The following SEMA5A variants were observed in gnomAD, a reference collection of about 807,000 sequenced individuals.
SEMA5A encodes the protein semaphorin 5A, also known as semaphorin-5A.
Under a neutral mutation model 135.5 loss-of-function variants are expected in SEMA5A, and 55 were observed. That is an observed-to-expected ratio of 0.41 (90% CI 0.33 to 0.51). SEMA5A has a LOEUF of 0.51. Among genes scored for constraint, SEMA5A ranks in the 20% least tolerant of loss-of-function variants. SEMA5A has a pLI of 0.37. For synonymous variants in SEMA5A, 580 were observed against 546.5 expected (o/e 1.06, Z -0.85); for missense variants, 1,290 against 1,419.9 (o/e 0.91, Z 1.47).
intron 16 of SEMA5A, among the ~76,000 whole-genome samples, chr5:9,071,804 T>C (rs188980109): frequency 7.9e-5 from 12 of 152,354 alleles, no homozygotes; most frequent in Non-Finnish European, 1.3e-4. Context: ...ATGGTTTCCA[T>C]ATGCATTTAT....
rs1806122 is a variant in SEMA5A at position 9,193,517 on chromosome 5, T to C, written c.1069-3046A>G. On this transcript the variant is annotated intron_variant, in intron 10 of 22. Transcript: ENST00000382496. The stretch of plus-strand genomic sequence containing the variant: ...CTTGTTCCAGCACACTAGTGCATGG[T>C]GGTCAAGCCCACAATCACCTAACCT... Among the ~76,000 whole-genome samples the C allele has an allele frequency of 6.1e-3, 926 of 152,330 alleles. 34 individuals carry two copies. The highest frequency in any genetic ancestry group is 0.051 in the East Asian group (265 of 5,182).
At chr5:9,468,488 G>A (rs1293692168) in intron 1 of SEMA5A, among the ~76,000 whole-genome samples, 1 of 151,998 alleles carries the variant, frequency 6.6e-6, no homozygotes, top group Admixed American at 6.6e-5. Context: ...ATTACAATAT[G>A]TTTCTAAATA....
At chr5:9,238,419 T>C (rs1748025256) in intron 5 of SEMA5A, among the ~76,000 whole-genome samples, 2 of 152,164 alleles carry the variant, frequency 1.3e-5, no homozygotes, top group Admixed American at 1.3e-4. Flanking sequence ...GCAAAGAACA[T>C]AGCTAGGATT....
chr5:9,416,542 T>A (rs1396404433), intron 2 of SEMA5A, among the ~76,000 whole-genome samples: 2 of 152,068 alleles, frequency 1.3e-5, no homozygotes, highest in East Asian at 3.9e-4. Flanking sequence ...GCAAACTGGG[T>A]ACAAGCAGTT....
rs115625049 is a variant in SEMA5A at position 9,204,776 on chromosome 5, G to A, written c.647-2536C>T. Among the ~76,000 whole-genome samples, 719 of 152,300 alleles carry A rather than the reference G, an allele frequency of 4.7e-3. 1 individual carries two copies. Among genetic ancestry groups the A allele is most frequent in the African/African-American group, 0.016 (667 of 41,564 alleles). On this transcript the variant is annotated intron_variant, in intron 8 of 22. Coordinates refer to ENST00000382496, the MANE Select transcript of SEMA5A (RefSeq NM_003966.3). The surrounding 1 kb of genome is among the most constrained non-coding windows in gnomAD (Gnocchi z 6.4). ...CAGTCCATGGCCTGTTAGGAGTCAG[G>A]CCACACAGCAGGAGGTGAGCAGCAG... is the stretch of plus-strand genomic sequence containing the variant.
chr5:9,201,341 T>C (rs1448163534), intron 9 of SEMA5A, among the ~76,000 whole-genome samples: 3 of 152,202 alleles, frequency 2.0e-5, no homozygotes, highest in Admixed American at 2.0e-4. Flanking sequence ...GCCGAAATAT[T>C]GTTCATTCTA....
At chr5:9,472,959 A>G (rs1759530149) in intron 1 of SEMA5A, among the ~76,000 whole-genome samples, 1 of 150,512 alleles carries the variant, frequency 6.6e-6, no homozygotes, top group Admixed American at 6.6e-5. Flanking sequence ...GAATTTTAAC[A>G]ACTGCATAAT....
intron 4 of SEMA5A, among the ~76,000 whole-genome samples, chr5:9,321,498 T>A (rs1433832965): frequency 1.3e-5 from 2 of 152,212 alleles, no homozygotes; most frequent in African/African-American, 4.8e-5. Context: ...GAGTTCTGCC[T>A]CTATACAATC....
At position 9,292,051 on chromosome 5, in the gene SEMA5A, A is replaced by G. The variant is rs185454189; in HGVS notation, c.270+26321T>C. On this transcript the variant is annotated intron_variant, in intron 5 of 22. Transcript: ENST00000382496. ...GATGGCTGGCTGTCACCCCTGCCTC[A>G]GGAGTCCTCGAGGCTACTTTTGGTC... Among the ~76,000 whole-genome samples the G allele has an allele frequency of 1.3e-3, 199 of 152,248 alleles. 9 individuals carry two copies. In the East Asian group the frequency reaches 0.032, roughly 24 times the overall value.
rs187458425 is a variant in SEMA5A, at chr5:9,503,524, G to A, written c.-175+42060C>T. ...TCACTCCATTACCATGTGCTACTGA[G>A]CAGATTCATCCACACGCTGGAGCCA... On this transcript the variant is annotated intron_variant, in intron 1 of 22. Transcript: ENST00000382496. Among the ~76,000 whole-genome samples, 8 of 152,340 alleles carry A rather than the reference G, an allele frequency of 5.3e-5. No homozygotes were observed. In the East Asian group the frequency reaches 7.7e-4, roughly 15 times the overall value.
At chr5:9,386,388 T>C (rs1755892065) in intron 2 of SEMA5A, among the ~76,000 whole-genome samples, 1 of 152,296 alleles carries the variant, frequency 6.6e-6, no homozygotes, top group African/African-American at 2.4e-5. Context: ...AAAAAAATCA[T>C]GCTTTTAGAG....
At chr5:9,237,965 G>T in intron 5 of SEMA5A, 75 bp from the exon 6 acceptor site, 1 of 1,377,466 alleles carries the variant, frequency 7.3e-7, no homozygotes, top group Non-Finnish European at 1.0e-6. Flanking sequence ...AGGTAACAAG[G>T]CACTGGTAAC....
chr5:9,067,462 C>A (rs746090382), intron 16 of SEMA5A, among the ~76,000 whole-genome samples: 1 of 152,294 alleles, frequency 6.6e-6, no homozygotes, highest in Non-Finnish European at 1.5e-5. Context: ...TTTACACCAA[C>A]GGGTTTCACT....
At chr5:9,489,793 T>C (rs1006534517) in intron 1 of SEMA5A, among the ~76,000 whole-genome samples, 1 of 152,284 alleles carries the variant, frequency 6.6e-6, no homozygotes, top group African/African-American at 2.4e-5. Context: ...CAAATTTCTA[T>C]CTAGTAAGTT....
intron 11 of SEMA5A, among the ~76,000 whole-genome samples, chr5:9,182,172 C>A (rs1374232623): frequency 7.4e-6 from 1 of 135,178 alleles, no homozygotes. Flanking sequence ...AAAAAAAATA[C>A]GCTTCCTGAG....
chr5:9,428,088 G>GTATATATATA (rs10536071), intron 2 of SEMA5A, among the ~76,000 whole-genome samples: 32 of 145,670 alleles, frequency 2.2e-4, no homozygotes, highest in Admixed American at 8.4e-4. Flanking sequence ...ATATGTGTGT[G>GTATATATATA]TATATATATA....
At chr5:9,278,256 A>T (rs1750366589) in intron 5 of SEMA5A, among the ~76,000 whole-genome samples, 1 of 152,148 alleles carries the variant, frequency 6.6e-6, no homozygotes, top group Non-Finnish European at 1.5e-5. Context: ...GATCTGTGGA[A>T]CTTTGAACTT....
At chr5:9,052,058 C>T (rs781133940) in intron 19 of SEMA5A, 30 bp from the exon 20 acceptor site, 13 of 1,537,004 alleles carry the variant, frequency 8.5e-6, no homozygotes, top group Admixed American at 2.1e-5. Context: ...GGAGATGGGG[C>T]GGAATGGCCA....
chr5:9,305,505 C>A (rs905084004), intron 5 of SEMA5A, among the ~76,000 whole-genome samples: 4 of 151,898 alleles, frequency 2.6e-5, no homozygotes, highest in African/African-American at 7.3e-5. Flanking sequence ...TGTAGACCAG[C>A]CATCATTGCT....
Sources: allele counts gnomAD v4.1 joint callset (sites outside exome capture counted in the v4.1 genomes callset), GRCh38; gene constraint gnomAD v4.1.1; non-coding constraint Gnocchi (gnomAD v3.1); transcripts MANE v1.5; gene names NCBI Gene and HGNC (gene_info 2026-07-23, HGNC 2026-07-21).